Variants in CIITA observed in about 807,000 individuals in gnomAD.
CIITA encodes MHC class II transactivator.
A neutral mutation model predicts 115.1 loss-of-function variants in CIITA; 72 were observed. The observed-to-expected ratio is 0.63, with a 90% CI of 0.52 to 0.76. The LOEUF is 0.76. Ranked by LOEUF, CIITA falls within the 30% of genes least tolerant of loss-of-function variation. CIITA has a pLI of 0.00. For synonymous variants in CIITA, 763 were observed against 635.6 expected, an observed-to-expected ratio of 1.20 and a Z score of -3.02; for missense variants, 1,617 against 1,463.8, an observed-to-expected ratio of 1.10 and a Z score of -1.71.
rs901583368 is a variant in CIITA at position 10,926,347 on chromosome 16, C to G, written c.*2492C>G. On this transcript the variant is annotated 3_prime_UTR_variant, in exon 20 of 20. Transcript: ENST00000324288. ...TGCAAGGGATCCCTGCACTTGCAGA[C>G]TCTACAGAGGCCATGGGCCTCCTGT... The G allele has an allele frequency of 1.3e-5, 2 of 152,248 alleles. No homozygotes were observed. The highest frequency in any genetic ancestry group is 3.8e-4 in the East Asian group (2 of 5,200). The allele number at this position is 152,248 out of a possible 1,614,324, so 9.4% of individuals were successfully genotyped here.
At chr16:10,908,345 G>A in intron 11 of CIITA, 196 bp downstream of exon 11, 1 of 722,680 alleles carries the variant, frequency 1.4e-6, no homozygotes, top group Non-Finnish European at 2.5e-6. Context: ...GCAAGTGAGA[G>A]GCAATGGCAT....
chr16:10,912,286 G>A (rs1322960275), intron 13 of CIITA, among the ~76,000 whole-genome samples: 2 of 152,080 alleles, frequency 1.3e-5, no homozygotes, highest in African/African-American at 4.8e-5. Flanking sequence ...GCTAATTTTT[G>A]TATTTTTAGT....
Position 10,918,527 on chromosome 16 carries a change from G to A in CIITA, c.3149+1G>A. The A allele has an allele frequency of 6.2e-7, 1 of 1,614,024 alleles. No homozygotes were observed. On this transcript the variant is annotated splice_donor_variant, in intron 16 of 19. Coordinates refer to ENST00000324288, the MANE Select transcript of CIITA (RefSeq NM_000246.4). LOFTEE classifies it high-confidence loss of function. Reference sequence around the variant, plus strand: ...TCGCTGCATCCCTGCTCAGGCTAAGGTGAGTGGGGCCCCGGATACCGGTCA... The same window carrying A: ...TCGCTGCATCCCTGCTCAGGCTAAGATGAGTGGGGCCCCGGATACCGGTCA...
chr16:10,900,529 C>G (rs1054984598), intron 5 of CIITA, among the ~76,000 whole-genome samples: 1 of 151,826 alleles, frequency 6.6e-6, no homozygotes, highest in Non-Finnish European at 1.5e-5. Flanking sequence ...CACCTGAGGT[C>G]AAGAGTTTGA....
upstream of CIITA, among the ~76,000 whole-genome samples, chr16:10,874,802 G>T (rs1425271649): frequency 6.6e-6 from 1 of 152,126 alleles, no homozygotes; most frequent in Non-Finnish European, 1.5e-5. Context: ...AAGTTCCAAA[G>T]CTGCCTTGGC....
chr16:10,875,808 C>T (rs1693030330), upstream of CIITA, among the ~76,000 whole-genome samples: 1 of 151,966 alleles, frequency 6.6e-6, no homozygotes, highest in Non-Finnish European at 1.5e-5. Context: ...GTAGCTGGGA[C>T]TATAGTTGTG....
chr16:10,915,400 T>C (rs75166952), intron 13 of CIITA, among the ~76,000 whole-genome samples, 170 bp from the exon 14 acceptor site: 1,909 of 152,080 alleles, frequency 0.013, 42 homozygotes, highest in African/African-American at 0.043. Flanking sequence ...GCAGAAAAGA[T>C]TGGGGTCCTA....
At chr16:10,908,221 TG>T (rs1459318591) in intron 11 of CIITA, 72 bp downstream of exon 11, 2 of 1,514,636 alleles carry the variant, frequency 1.3e-6, no homozygotes, top group African/African-American at 2.8e-5. Context: ...CCAAGCCCAG[TG>T]CTCTGTGGGG....
chr16:10,875,802 C>G (rs2035794490), upstream of CIITA, among the ~76,000 whole-genome samples: 2 of 152,020 alleles, frequency 1.3e-5, no homozygotes. Context: ...TCCAGAGTAG[C>G]TGGGACTATA....
Position 10,935,334 on chromosome 16 carries a change from C to A in CIITA, c.*11479C>A, listed in dbSNP as rs1487984910. On this transcript the variant is annotated 3_prime_UTR_variant, in exon 20 of 20. Coordinates refer to ENST00000324288, the MANE Select transcript of CIITA (RefSeq NM_000246.4). The stretch of plus-strand genomic sequence containing the variant: ...TTAGAGGAGAAAGTTCAGTTTGGTG[C>A]TGGTATATCTTATGTTTATCACCCG... The A allele has an allele frequency of 6.6e-6, 1 of 152,202 alleles. No homozygotes were observed. The highest frequency in any genetic ancestry group is 2.4e-5 in the African/African-American group (1 of 41,460). 9.4% of individuals were successfully genotyped at this position (152,202 alleles called of 1,614,324 possible). A position where few individuals can be genotyped will look rare whatever the true frequency, so the allele number is the denominator to read the frequency against.
chr16:10,895,561 T>C, intron 2 of CIITA, 108 bp from the exon 3 acceptor site: 1 of 1,556,616 alleles, frequency 6.4e-7, no homozygotes, highest in Non-Finnish European at 8.8e-7. Flanking sequence ...TGTGGGACGC[T>C]CTCTGCAGAT....
At position 10,918,531 on chromosome 16, in the gene CIITA, GTGGGGCC is replaced by G. The variant is rs772739553; in HGVS notation, c.3149+6_3149+12del. The G allele has an allele frequency of 5.6e-6, 9 of 1,613,876 alleles. No individual in the cohort carries two copies. The highest frequency in any genetic ancestry group is 6.8e-6 in the Non-Finnish European group (8 of 1,179,948). Reference sequence around the variant, plus strand: ...TGCATCCCTGCTCAGGCTAAGGTGAGTGGGGCCCCGGATACCGGTCAGGTGCTGAGCT... The same window carrying G: ...TGCATCCCTGCTCAGGCTAAGGTGAGCCGGATACCGGTCAGGTGCTGAGCT... On this transcript the variant is annotated splice_donor_region_variant and intron_variant, in intron 16 of 19. Coordinates refer to ENST00000324288, the MANE Select transcript of CIITA (RefSeq NM_000246.4).
chr16:10,874,773 G>C (rs2035715575), upstream of CIITA, among the ~76,000 whole-genome samples: 1 of 152,142 alleles, frequency 6.6e-6, no homozygotes, highest in African/African-American at 2.4e-5. Context: ...AGAGATGGTA[G>C]TCCTGGCTGG....
At chr16:10,908,390 C>A in intron 11 of CIITA, 1 of 654,084 alleles carries the variant, frequency 1.5e-6, no homozygotes. Flanking sequence ...CGCCATGTGC[C>A]AGTCACTGGG....
At position 10,923,286 on chromosome 16, in the gene CIITA, C is replaced by T. The variant is rs753124646; in HGVS notation, c.3376C>T (p.Arg1126Trp). 4 of 1,539,930 alleles carry T rather than the reference C, an allele frequency of 2.6e-6. No individual in the cohort carries two copies. Among genetic ancestry groups the T allele is most frequent in the Non-Finnish European group, 3.5e-6 (4 of 1,133,942 alleles). ...GGAACACCTGCAACAACAGGATTCA[C>T]GGATCAGCCTGAGATGATCCCAGCT... Reference protein sequence around the residue: ...VQEHLQQQDSRISLR With the variant: ...VQEHLQQQDSWISLR The change falls in exon 19 of 20, where the codon CGG (arginine) becomes TGG (tryptophan). Residue 1126 changes from arginine to tryptophan, a missense_variant. Transcript: ENST00000324288. This position sits in a 1 kb window ranked among gnomAD's most constrained non-coding sequence, Gnocchi z 5.2.
At chr16:10,895,030 A>G (rs973423156) in intron 1 of CIITA, among the ~76,000 whole-genome samples, 3 of 152,114 alleles carry the variant, frequency 2.0e-5, no homozygotes, top group African/African-American at 7.2e-5. Flanking sequence ...CTGGTGTGAG[A>G]TTGATGGAAT....
At chr16:10,910,032 G>C (rs540331998) in intron 12 of CIITA, among the ~76,000 whole-genome samples, 156 bp from the exon 13 acceptor site, 13 of 130,488 alleles carry the variant, frequency 1.0e-4, no homozygotes, top group African/African-American at 2.9e-4. Context: ...ACCGCACCCA[G>C]ACAGATCTTT....
At chr16:10,886,043 A>G (rs1438987709) in intron 1 of CIITA, among the ~76,000 whole-genome samples, 1 of 139,574 alleles carries the variant, frequency 7.2e-6, no homozygotes, top group African/African-American at 2.5e-5. Flanking sequence ...GTGCTCTTAT[A>G]AAACATGTTT....
chr16:10,915,701 G>A (rs1300594940), intron 14 of CIITA, 51 bp downstream of exon 14: 25 of 1,482,526 alleles, frequency 1.7e-5, no homozygotes, highest in East Asian at 2.3e-5. Flanking sequence ...GTGCAGTGCT[G>A]TGATCATAGC....
Sources: gnomAD v4.1 joint callset for allele counts (sites outside exome capture counted in the v4.1 genomes callset) on GRCh38, gnomAD v4.1.1 for gene constraint, Gnocchi (gnomAD v3.1) non-coding constraint, MANE v1.5 for transcripts, NCBI Gene and HGNC (gene_info 2026-07-23, HGNC 2026-07-21) for gene names.